Variants in MBNL2 observed in about 807,000 individuals in gnomAD.
MBNL2 encodes the protein muscleblind-like protein 2.
In MBNL2, 17 loss-of-function variants were observed where a neutral mutation model predicts 41.9. The observed-to-expected ratio is 0.41, with a 90% confidence interval of 0.28 to 0.61. The LOEUF is 0.61. Ranked by LOEUF, MBNL2 falls within the 20% of genes least tolerant of loss-of-function variation. MBNL2 has a pLI of 0.35. For synonymous variants in MBNL2, 195 were observed against 182.9 expected (o/e 1.07, Z -0.53); for missense variants, 336 against 505.6 (o/e 0.66, Z 3.22).
At chr13:97,231,080 C>A (rs534483938) in intron 1 of MBNL2, among the ~76,000 whole-genome samples, 1 of 152,318 alleles carries the variant, frequency 6.6e-6, no homozygotes, top group South Asian at 2.1e-4. Flanking sequence ...ACTTGTCATC[C>A]TGTTCTCAAA....
the MBNL2 span, among the ~76,000 whole-genome samples, chr13:97,196,194 T>C: frequency 6.6e-6 from 1 of 152,188 alleles, no homozygotes; most frequent in Non-Finnish European, 1.5e-5. Flanking sequence ...GTTGAGAGAC[T>C]CATGGATCCA....
the MBNL2 span, among the ~76,000 whole-genome samples, chr13:97,191,433 T>A: frequency 6.6e-6 from 1 of 151,582 alleles, no homozygotes; most frequent in Non-Finnish European, 1.5e-5. Flanking sequence ...TTACTCACCC[T>A]TCAAACCATC....
chr13:97,236,972 G>A (rs2043397346), intron 1 of MBNL2, among the ~76,000 whole-genome samples: 1 of 152,140 alleles, frequency 6.6e-6, no homozygotes, highest in Admixed American at 6.5e-5. Context: ...AAGGAAGGAA[G>A]AGTGTGGGGA....
At chr13:97,164,933 G>T in the MBNL2 span, among the ~76,000 whole-genome samples, 204 of 152,280 alleles carry the variant, frequency 1.3e-3, no homozygotes, top group South Asian at 1.7e-3. Flanking sequence ...GGCTGGGCGT[G>T]GTGGCTCACG....
chr13:97,250,018 G>T (rs2046217497), intron 1 of MBNL2, among the ~76,000 whole-genome samples: 1 of 152,210 alleles, frequency 6.6e-6, no homozygotes, highest in South Asian at 2.1e-4. Flanking sequence ...GGACACGGAA[G>T]TCTGGTTGGT....
At position 97,394,069 on chromosome 13, in the gene MBNL2, A is replaced by T. The variant is rs1015438767; in HGVS notation, c.*2620A>T. On this transcript the variant is annotated 3_prime_UTR_variant, in exon 9 of 9. Transcript: ENST00000679496. ...ATACTATGTTTTGGTTGTAATATTC[A>T]GTTCACTCACCCAATGTACAACCAA... 3 of 152,630 alleles carry T rather than the reference A, an allele frequency of 2.0e-5. No individual in the cohort carries two copies. The highest frequency in any genetic ancestry group is 7.2e-5 in the African/African-American group (3 of 41,474). 9.5% of individuals were successfully genotyped at this position (152,630 alleles called of 1,614,324 possible). A position where few individuals can be genotyped will look rare whatever the true frequency, so the allele number is the denominator to read the frequency against.
chr13:97,174,824 G>A, the MBNL2 span, among the ~76,000 whole-genome samples: 2 of 152,094 alleles, frequency 1.3e-5, no homozygotes, highest in Non-Finnish European at 2.9e-5. Context: ...AGTGGAAACA[G>A]GTGGTGAGTC....
At chr13:97,379,615 T>C (rs2065251640) in intron 8 of MBNL2, among the ~76,000 whole-genome samples, 1 of 137,234 alleles carries the variant, frequency 7.3e-6, no homozygotes, top group Admixed American at 8.3e-5. Context: ...ATCTTAATGA[T>C]GATTCAGATG....
chr13:97,153,034 A>G, the MBNL2 span, among the ~76,000 whole-genome samples: 1 of 152,174 alleles, frequency 6.6e-6, no homozygotes, highest in Non-Finnish European at 1.5e-5. Context: ...ATATAAGAAG[A>G]TTTACATTTC....
At chr13:97,162,272 C>A in the MBNL2 span, among the ~76,000 whole-genome samples, 184 of 152,068 alleles carry the variant, frequency 1.2e-3, 1 homozygote, top group African/African-American at 4.0e-3. Context: ...GGACACAGAC[C>A]CAAAGCGTAT....
chr13:97,185,529 A>G, the MBNL2 span, among the ~76,000 whole-genome samples: 1 of 152,206 alleles, frequency 6.6e-6, no homozygotes, highest in Admixed American at 6.5e-5. Flanking sequence ...ATGTACTCAC[A>G]ATGGACCTGA....
intron 1 of MBNL2, among the ~76,000 whole-genome samples, chr13:97,253,355 T>C (rs535545286): frequency 6.6e-6 from 1 of 152,340 alleles, no homozygotes; most frequent in African/African-American, 2.4e-5. Flanking sequence ...CTAGCCTTAT[T>C]AGGGATGCAT....
At chr13:97,367,368 G>A (rs149064315) in intron 8 of MBNL2, among the ~76,000 whole-genome samples, 6 of 152,230 alleles carry the variant, frequency 3.9e-5, no homozygotes, top group African/African-American at 1.2e-4. Context: ...CTCTCACCTC[G>A]CCTGGAAGAA....
At chr13:97,345,930 T>C (rs2061805880) in intron 4 of MBNL2, among the ~76,000 whole-genome samples, 2 of 152,050 alleles carry the variant, frequency 1.3e-5, no homozygotes, top group Non-Finnish European at 2.9e-5. Flanking sequence ...TGATTGAAGA[T>C]ATAGAGAGAG....
chr13:97,320,205 G>A (rs2153039310), intron 2 of MBNL2, among the ~76,000 whole-genome samples: 1 of 151,534 alleles, frequency 6.6e-6, no homozygotes, highest in Middle Eastern at 3.5e-3. Flanking sequence ...GGAGGCCAGA[G>A]GTCCAAAATC....
chr13:97,380,731 T>G (rs1029997815), intron 8 of MBNL2, among the ~76,000 whole-genome samples: 1 of 152,086 alleles, frequency 6.6e-6, no homozygotes, highest in African/African-American at 2.4e-5. Flanking sequence ...CGAGCTTTAA[T>G]GGGGGATGGT....
the MBNL2 span, among the ~76,000 whole-genome samples, chr13:97,147,523 A>C: frequency 6.6e-6 from 1 of 152,146 alleles, no homozygotes; most frequent in African/African-American, 2.4e-5. Flanking sequence ...TATTTACCTG[A>C]TTCTTCATCT....
intron 2 of MBNL2, among the ~76,000 whole-genome samples, chr13:97,310,070 A>G (rs2058454024): frequency 6.6e-6 from 1 of 152,200 alleles, no homozygotes; most frequent in Admixed American, 6.5e-5. Context: ...ACTGTCGGGC[A>G]GAGGACTTAG....
intron 1 of MBNL2, among the ~76,000 whole-genome samples, chr13:97,260,131 A>T (rs1410011038): frequency 6.6e-6 from 1 of 152,212 alleles, no homozygotes; most frequent in Admixed American, 6.5e-5. Flanking sequence ...AGACTGATGC[A>T]ATATTACATC....
Sources: gnomAD v4.1 joint callset for allele counts (sites outside exome capture counted in the v4.1 genomes callset) on GRCh38, gnomAD v4.1.1 for gene constraint, MANE v1.5 for transcripts, NCBI Gene and HGNC (gene_info 2026-07-23, HGNC 2026-07-21) for gene names.